AMOT: variants seen among roughly 807,000 people sequenced by gnomAD.
AMOT encodes the protein angiomotin.
A neutral mutation model predicts 67.0 loss-of-function variants in AMOT; 11 were observed. The observed-to-expected ratio is 0.16, with a 90% CI of 0.10 to 0.27. The LOEUF is 0.27. AMOT is among the 10% of genes least tolerant of loss of function. The pLI, the probability that AMOT is intolerant of heterozygous loss-of-function variation, is 1.00. For synonymous variants in AMOT, 326 were observed against 321.4 expected, an observed-to-expected ratio of 1.01 and a Z score of -0.15; for missense variants, 753 against 852.0, an observed-to-expected ratio of 0.88 and a Z score of 1.45.
At chrX:112,795,892 T>C (rs1933797148) in intron 8 of AMOT, among the ~76,000 whole-genome samples, 1 of 111,445 alleles carries the variant, frequency 9.0e-6, no homozygotes, top group Non-Finnish European at 1.9e-5. Context: ...TTTTGTTCCA[T>C]CATCTTTTCA....
chrX:112,809,860 C>A, intron 7 of AMOT, 34 bp downstream of exon 7: 1 of 1,164,833 alleles, frequency 8.6e-7, no homozygotes, highest in Non-Finnish European at 1.2e-6. Flanking sequence ...CCCATCCACA[C>A]GTTAATACCT....
intron 1 of AMOT, 112 bp from the exon 2 acceptor site, chrX:112,832,482 G>A (rs1935015482): frequency 9.0e-6 from 1 of 111,563 alleles, no homozygotes; most frequent in African/African-American, 3.3e-5. Context: ...TTTCACTGTT[G>A]CCCATTGGTA....
At chrX:112,804,898 T>TTGCCCCCCCCCCCCCCCCCC in intron 8 of AMOT, 49 bp downstream of exon 8, 1 of 837,573 alleles carries the variant, frequency 1.2e-6, no homozygotes, top group Non-Finnish European at 1.7e-6. Flanking sequence ...GTCCCCGATT[T>TTGCCCCCCCCCCCCCCCCCC]CCCAGCCCTC....
At position 112,778,148 on chromosome X, in the gene AMOT, A is replaced by G. The variant is rs1299991768; in HGVS notation, c.*419T>C. 1 of 116,015 alleles carries G rather than the reference A, an allele frequency of 8.6e-6. No individual in the cohort carries two copies. Among genetic ancestry groups the G allele is most frequent in the Non-Finnish European group, 1.8e-5 (1 of 55,625 alleles). The allele number at this position is 116,015 out of a possible 1,213,427, so 9.6% of individuals were successfully genotyped here. On this transcript the variant is annotated 3_prime_UTR_variant, in exon 14 of 14. Coordinates refer to ENST00000371959, the MANE Select transcript of AMOT (RefSeq NM_001113490.2). ...GGATAGTAACTATACAAAACAGCACACACTCAATTCTCTCTAGCTTCCCAC... is the reference window on the plus strand; with the variant it reads ...GGATAGTAACTATACAAAACAGCACGCACTCAATTCTCTCTAGCTTCCCAC...
chrX:112,781,177 T>G, intron 11 of AMOT, 59 bp from the exon 12 acceptor site: 1 of 1,084,558 alleles, frequency 9.2e-7, no homozygotes, highest in Non-Finnish European at 1.3e-6. Flanking sequence ...CGCGGTGGCT[T>G]ACGCCTGTAA....
At chrX:112,798,364 G>T (rs1488372285) in intron 8 of AMOT, among the ~76,000 whole-genome samples, 5 of 112,245 alleles carry the variant, frequency 4.5e-5, no homozygotes, top group Middle Eastern at 4.2e-3. Flanking sequence ...TTCATGTGTG[G>T]ATTCACTCAT....
Position 112,776,715 on chromosome X carries a change from A to G in AMOT, c.*1852T>C, listed in dbSNP as rs889662300. On this transcript the variant is annotated 3_prime_UTR_variant, in exon 14 of 14. Transcript: ENST00000371959. ...GGTTTCTCAGGGGGACATTTATGTG[A>G]CTCTATGTTGAAATGCAGATCAGAA... 9.0e-6 allele frequency: 1 copy of G among 111,460 alleles called. No homozygotes were observed. The highest frequency in any genetic ancestry group is 1.9e-5 in the Non-Finnish European group (1 of 53,007). 9.2% of individuals were successfully genotyped at this position (111,460 alleles called of 1,213,427 possible). A position where few individuals can be genotyped will look rare whatever the true frequency, so the allele number is the denominator to read the frequency against.
chrX:112,817,584 C>T (rs1229300992), intron 4 of AMOT, among the ~76,000 whole-genome samples: 1 of 111,865 alleles, frequency 8.9e-6, no homozygotes, highest in African/African-American at 3.3e-5. Flanking sequence ...CTCATGGATA[C>T]CCAATAACCT....
intron 2 of AMOT, among the ~76,000 whole-genome samples, chrX:112,828,840 C>G (rs1426173310): frequency 8.9e-6 from 1 of 112,352 alleles, no homozygotes; most frequent in Non-Finnish European, 1.9e-5. Flanking sequence ...TAGAATTGAC[C>G]CTGATTTTAA....
chrX:112,800,542 G>T (rs1933981924), intron 8 of AMOT, among the ~76,000 whole-genome samples: 1 of 112,267 alleles, frequency 8.9e-6, no homozygotes, highest in African/African-American at 3.2e-5. Context: ...TCCTATTGCT[G>T]TTTGAAAATT....
chrX:112,781,459 A>AAAAAAAAAAC (rs1933169985), intron 11 of AMOT, among the ~76,000 whole-genome samples: 1 of 109,064 alleles, frequency 9.2e-6, no homozygotes, highest in African/African-American at 3.3e-5. Flanking sequence ...AAAAAAAAAA[A>AAAAAAAAAAC]AAAAAAAAAC....
At position 112,782,645 on chromosome X, in the gene AMOT, C is replaced by A; in HGVS notation, c.2135G>T (p.Ser712Ile). 1 of 1,210,583 alleles carries A rather than the reference C, an allele frequency of 8.3e-7. No individual in the cohort carries two copies. Residue 712 changes from serine (S) to isoleucine (I), a missense_variant, in exon 11 of 14, where the codon AGT becomes ATT. Physicochemically the swap from Ser to Ile is moderately radical, Grantham distance 142. This residue lies in a region of AMOT where 269 missense variants were observed against 300.9 expected (regional missense o/e 0.89). Coordinates refer to ENST00000371959, the MANE Select transcript of AMOT (RefSeq NM_001113490.2). ...VAAQRDTTVI[S>I]HSPNTSYDTA... ...GTCATAGCTGGTGTTAGGAGAGTGA[C>A]TGATGACTGTTGTGTCCCTGGGGAG...
At position 112,823,080 on chromosome X, in the gene AMOT, T is replaced by C. The variant is rs1333305205; in HGVS notation, c.47A>G (p.Gln16Arg). 2.6e-6 allele frequency: 3 copies of C among 1,164,653 alleles called. No individual in the cohort carries two copies. Among genetic ancestry groups the C allele is most frequent in the Non-Finnish European group, 3.4e-6 (3 of 872,106 alleles). The change falls in exon 4 of 14, where the codon CAG becomes CGG. Residue 16 changes from glutamine (Q) to arginine (R), a missense_variant. By Grantham distance (43) the Gln-to-Arg change is conservative. Transcript: ENST00000371959. Reference protein sequence around the residue: ...EQPSGGTTVLQRLLQEQLRYG... With the variant: ...EQPSGGTTVLRRLLQEQLRYG... The stretch of plus-strand genomic sequence containing the variant: ...GCGAAGCTGCTCTTGTAGCAAACGC[T>C]GCAATACCGTGGTCCCTCCACTTGG...
chrX:112,780,606 T>G (rs1641870895), intron 12 of AMOT: 1 of 370,822 alleles, frequency 2.7e-6, no homozygotes, highest in African/African-American at 2.5e-5. Context: ...GAGAATAGTT[T>G]AGAGGAAATT....
chrX:112,787,017 T>A (rs1933384532), intron 10 of AMOT, among the ~76,000 whole-genome samples: 1 of 111,714 alleles, frequency 9.0e-6, no homozygotes, highest in Non-Finnish European at 1.9e-5. Context: ...CATCTCAGGA[T>A]AAAGGGCAAT....
rs761850789 is a variant in AMOT at position 112,837,706 on chromosome X, A to C, written c.-289+2746T>G. On this transcript the variant is annotated intron_variant, in intron 1 of 13. Coordinates refer to ENST00000371959, the MANE Select transcript of AMOT (RefSeq NM_001113490.2). ...GGTGGAACCCTAGAATTTGGACCAA[A>C]GTCCACAAAAGGCAGCAAGGAGGGA... Among the ~76,000 whole-genome samples the C allele has an allele frequency of 4.5e-5, 5 of 111,435 alleles. No individual in the cohort carries two copies. The South Asian group carries it at 1.9e-3, about 42-fold the overall frequency.
intron 8 of AMOT, 41 bp downstream of exon 8, chrX:112,804,902 AGCCC>A: frequency 2.7e-6 from 1 of 363,803 alleles, no homozygotes; most frequent in Non-Finnish European, 5.4e-6. Flanking sequence ...CCGATTTCCC[AGCCC>A]TCCCACCCCC....
At chrX:112,798,655 C>T (rs189461546) in intron 8 of AMOT, among the ~76,000 whole-genome samples, 2 of 112,288 alleles carry the variant, frequency 1.8e-5, no homozygotes, top group Non-Finnish European at 3.8e-5. Flanking sequence ...TACAACACTG[C>T]AAATATACAA....
intron 3 of AMOT, among the ~76,000 whole-genome samples, chrX:112,824,589 T>C (rs1934796095): frequency 9.0e-6 from 1 of 111,392 alleles, no homozygotes; most frequent in African/African-American, 3.3e-5. Flanking sequence ...TACTGCTACC[T>C]GGCTTCCAAC....
Sources: allele counts gnomAD v4.1 joint callset (sites outside exome capture counted in the v4.1 genomes callset), GRCh38; gene constraint gnomAD v4.1.1; regional missense constraint gnomAD v4.1.1; transcripts MANE v1.5; gene names NCBI Gene and HGNC (gene_info 2026-07-23, HGNC 2026-07-21).